MKLN1: variants seen among roughly 807,000 people sequenced by gnomAD.
MKLN1 encodes the protein muskelin 1, also known as muskelin.
A neutral mutation model predicts 99.0 loss-of-function variants in MKLN1; 18 were observed. The observed-to-expected ratio is 0.18, with a 90% CI of 0.13 to 0.27. MKLN1 has a LOEUF of 0.27. MKLN1 is among the 10% of genes least tolerant of loss of function. The pLI is 1.00. For missense variants in MKLN1, 621 were observed against 875.9 expected (o/e 0.71, Z 3.67); for synonymous variants, 288 against 293.2 (o/e 0.98, Z 0.18).
intron 2 of MKLN1, among the ~76,000 whole-genome samples, chr7:131,150,752 T>C (rs980610094): frequency 2.6e-5 from 4 of 152,018 alleles, no homozygotes; most frequent in African/African-American, 7.2e-5. Flanking sequence ...TGATTTCTCT[T>C]TAAAGTCTAC....
chr7:131,217,198 T>C (rs898792289), intron 3 of MKLN1, among the ~76,000 whole-genome samples: 1 of 152,216 alleles, frequency 6.6e-6, no homozygotes, highest in Non-Finnish European at 1.5e-5. Context: ...AACTTATTTA[T>C]TAAAATATGT....
chr7:131,446,900 T>C (rs1450486116), intron 12 of MKLN1, among the ~76,000 whole-genome samples: 1 of 152,200 alleles, frequency 6.6e-6, no homozygotes, highest in Non-Finnish European at 1.5e-5. Context: ...AGCAAGACCC[T>C]GTCTCTACAA....
chr7:131,242,576 A>C, intron 3 of MKLN1: 1 of 460,022 alleles, frequency 2.2e-6, no homozygotes, highest in Non-Finnish European at 4.2e-6. Flanking sequence ...TATAGGCCCG[A>C]GGGGTTGCTG....
At chr7:131,171,184 G>A (rs1008409014) in intron 2 of MKLN1, among the ~76,000 whole-genome samples, 7 of 152,192 alleles carry the variant, frequency 4.6e-5, no homozygotes, top group Non-Finnish European at 1.0e-4. Flanking sequence ...GGTGAGGGAG[G>A]TTTCTGGGGA....
At chr7:131,179,193 A>G (rs1304752468) in intron 2 of MKLN1, among the ~76,000 whole-genome samples, 1 of 152,236 alleles carries the variant, frequency 6.6e-6, no homozygotes, top group Non-Finnish European at 1.5e-5. Context: ...CATGGGCACC[A>G]TGTAATAATT....
At chr7:131,177,977 G>A (rs1563242318) in intron 2 of MKLN1, among the ~76,000 whole-genome samples, 1 of 152,150 alleles carries the variant, frequency 6.6e-6, no homozygotes, top group Non-Finnish European at 1.5e-5. Flanking sequence ...CATATTTCAA[G>A]TCATGGTTGC....
intron 3 of MKLN1, among the ~76,000 whole-genome samples, chr7:131,251,476 C>T (rs1313505255): frequency 6.6e-6 from 1 of 152,084 alleles, no homozygotes; most frequent in African/African-American, 2.4e-5. Context: ...CTGACTTTAA[C>T]CATTGTAATG....
At chr7:131,270,087 T>A (rs1797862460) in intron 3 of MKLN1, among the ~76,000 whole-genome samples, 1 of 147,744 alleles carries the variant, frequency 6.8e-6, no homozygotes. Flanking sequence ...CACACCCAGC[T>A]AATTTTTTGT....
chr7:131,436,873 T>G (rs1457455409), intron 9 of MKLN1, among the ~76,000 whole-genome samples: 1 of 152,174 alleles, frequency 6.6e-6, no homozygotes, highest in African/African-American at 2.4e-5. Flanking sequence ...TATTCCCTAT[T>G]TATTTACTGT....
intron 1 of MKLN1, among the ~76,000 whole-genome samples, chr7:131,334,941 A>C (rs916751206): frequency 6.6e-6 from 1 of 152,180 alleles, no homozygotes; most frequent in African/African-American, 2.4e-5. Flanking sequence ...ATAAGAGACA[A>C]TAGAAAATTT....
chr7:131,352,878 T>G (rs1396114724), intron 1 of MKLN1, among the ~76,000 whole-genome samples: 1 of 152,216 alleles, frequency 6.6e-6, no homozygotes, highest in Non-Finnish European at 1.5e-5. Flanking sequence ...TTTCAGATTT[T>G]AAACTATGCA....
At chr7:131,341,405 C>T (rs117356191) in intron 1 of MKLN1, among the ~76,000 whole-genome samples, 2,051 of 152,272 alleles carry the variant, frequency 0.013, 16 homozygotes, top group Non-Finnish European at 0.022. Context: ...ATAGATTTGC[C>T]TATTTAAGAC....
chr7:131,472,435 T>G (rs1270113037), intron 16 of MKLN1, among the ~76,000 whole-genome samples: 1 of 152,208 alleles, frequency 6.6e-6, no homozygotes, highest in Non-Finnish European at 1.5e-5. Context: ...TTTGAGCCAT[T>G]TTTAAAATTT....
chr7:131,219,155 A>G (rs952167807), intron 3 of MKLN1, among the ~76,000 whole-genome samples: 8 of 152,204 alleles, frequency 5.3e-5, no homozygotes, highest in Admixed American at 3.9e-4. Context: ...CACTTAACAC[A>G]AATGCACAGT....
chr7:131,292,137 C>T (rs1302465519), intron 3 of MKLN1, among the ~76,000 whole-genome samples: 3 of 151,998 alleles, frequency 2.0e-5, no homozygotes, highest in Non-Finnish European at 4.4e-5. Flanking sequence ...GTTGACCTTA[C>T]GAACCCTCAC....
At chr7:131,410,469 C>A (rs1794842449) in intron 6 of MKLN1, among the ~76,000 whole-genome samples, 1 of 152,104 alleles carries the variant, frequency 6.6e-6, no homozygotes, top group African/African-American at 2.4e-5. Flanking sequence ...GTACTTTTAT[C>A]TTTATGTAGT....
At position 131,359,435 on chromosome 7, in the gene MKLN1, G is replaced by GTT. The variant is rs368753494; in HGVS notation, c.99-15988_99-15987insTT. Among the ~76,000 whole-genome samples the GTT allele has an allele frequency of 3.5e-3, 532 of 152,180 alleles. 2 individuals are homozygous for GTT. The highest frequency in any genetic ancestry group is 0.012 in the African/African-American group (506 of 41,524). ...ATCATCTTCCTTGGTGAATATCCTTGTGTGAGCTTGAGAAGAATACGTATT... is the reference window on the plus strand; with the variant it reads ...ATCATCTTCCTTGGTGAATATCCTTGTTTGTGAGCTTGAGAAGAATACGTATT... On this transcript the variant is annotated intron_variant, in intron 1 of 17. Transcript: ENST00000352689.
intron 2 of MKLN1, among the ~76,000 whole-genome samples, chr7:131,178,262 G>A (rs939216089): frequency 6.2e-5 from 9 of 146,088 alleles, no homozygotes; most frequent in Admixed American, 2.1e-4. Context: ...GATTACAGGC[G>A]CCTGCCACAT....
chr7:131,466,442 T>C, intron 15 of MKLN1, 27 bp downstream of exon 15: 1 of 1,480,256 alleles, frequency 6.8e-7, no homozygotes, highest in Non-Finnish European at 9.2e-7. Flanking sequence ...CTGAAAACAT[T>C]TAATTAACAT....
Sources: allele counts gnomAD v4.1 joint callset (sites outside exome capture counted in the v4.1 genomes callset), GRCh38; gene constraint gnomAD v4.1.1; transcripts MANE v1.5; gene names NCBI Gene and HGNC (gene_info 2026-07-23, HGNC 2026-07-21).